The following SGCG variants were observed in gnomAD, a reference collection of about 807,000 sequenced individuals.
The protein encoded by SGCG is gamma-sarcoglycan.
SGCG carries 26 observed loss-of-function variants against 29.3 expected under a neutral mutation model. The observed-to-expected ratio is 0.89, with a 90% CI of 0.65 to 1.23. SGCG has a LOEUF of 1.23. Among genes scored for constraint, SGCG ranks in the 50% most tolerant of loss-of-function variants. The probability of loss-of-function intolerance (pLI) is 0.00; values close to 1 mark genes in which losing one functional copy is unlikely to be tolerated. For missense variants in SGCG, 353 were observed against 356.0 expected, an observed-to-expected ratio of 0.99 and a Z score of 0.07; for synonymous variants, 145 against 129.7, an observed-to-expected ratio of 1.12 and a Z score of -0.80.
intron 2 of SGCG, among the ~76,000 whole-genome samples, chr13:23,230,001 A>G: frequency 6.6e-6 from 1 of 152,112 alleles, no homozygotes; most frequent in East Asian, 1.9e-4. Context: ...TCTTCTGCAT[A>G]TGGCTAGCCA....
chr13:23,211,831 C>T (rs1423339107), intron 2 of SGCG, among the ~76,000 whole-genome samples: 4 of 152,144 alleles, frequency 2.6e-5, no homozygotes, highest in Non-Finnish European at 4.4e-5. Flanking sequence ...TCCACTCCAA[C>T]CCAGGCACAC....
chr13:23,191,824 A>G (rs1243104682), intron 1 of SGCG, among the ~76,000 whole-genome samples: 1 of 152,164 alleles, frequency 6.6e-6, no homozygotes, highest in African/African-American at 2.4e-5. Flanking sequence ...CTATTCAAAG[A>G]CAGTGCTTAC....
At chr13:23,236,339 T>G (rs1879310458) in intron 3 of SGCG, among the ~76,000 whole-genome samples, 1 of 152,196 alleles carries the variant, frequency 6.6e-6, no homozygotes, top group Non-Finnish European at 1.5e-5. Flanking sequence ...GTGACTGAAA[T>G]CAGGTGACTA....
At chr13:23,302,002 A>G (rs947248831) in intron 6 of SGCG, among the ~76,000 whole-genome samples, 2 of 152,166 alleles carry the variant, frequency 1.3e-5, no homozygotes, top group African/African-American at 4.8e-5. Context: ...AAATAACATA[A>G]ATCATTTTGA....
intron 4 of SGCG, among the ~76,000 whole-genome samples, 186 bp from the exon 5 acceptor site, chr13:23,279,173 T>C (rs1881205354): frequency 6.6e-6 from 1 of 152,218 alleles, no homozygotes; most frequent in Non-Finnish European, 1.5e-5. Context: ...TTAATTTTAA[T>C]AATACAATAG....
chr13:23,266,632 A>G lies in SGCG; in HGVS notation c.386-12727A>G, dbSNP rs181440362. On this transcript the variant is annotated intron_variant, in intron 4 of 7. Coordinates refer to ENST00000218867, the MANE Select transcript of SGCG (RefSeq NM_000231.3). ...ACACTACTTGGGTGATGAGTGCACT[A>G]AAATCCTAGACATCACAACTATACA... Among the ~76,000 whole-genome samples the G allele has an allele frequency of 3.5e-3, 533 of 152,320 alleles. 5 individuals are homozygous for G. The highest frequency in any genetic ancestry group is 0.014 in the South Asian group (66 of 4,816).
chr13:23,284,206 A>G (rs929318393), intron 5 of SGCG, among the ~76,000 whole-genome samples: 1 of 152,190 alleles, frequency 6.6e-6, no homozygotes, highest in African/African-American at 2.4e-5. Flanking sequence ...GTGTTTTCCA[A>G]CTTGGTTCCA....
chr13:23,201,458 G>A (rs983224617), intron 1 of SGCG, among the ~76,000 whole-genome samples: 2 of 152,024 alleles, frequency 1.3e-5, no homozygotes, highest in African/African-American at 4.8e-5. Flanking sequence ...GTGTTATCAC[G>A]GGGGTCCCTG....
chr13:23,259,813 T>C (rs1172224796), intron 4 of SGCG, among the ~76,000 whole-genome samples: 2 of 152,224 alleles, frequency 1.3e-5, no homozygotes, highest in African/African-American at 4.8e-5. Flanking sequence ...CCAGTAGTCA[T>C]TCAGGAGCAG....
chr13:23,310,307 C>T lies in SGCG; in HGVS notation c.579-10330C>T, dbSNP rs550936952. ...TTCACCCTATTAGCCAGGGTGGTCT[C>T]GATCTCCTGACCTCATGATCTGCCC... On this transcript the variant is annotated intron_variant, in intron 6 of 7. Transcript: ENST00000218867. Among the ~76,000 whole-genome samples the T allele has an allele frequency of 1.1e-4, 16 of 152,044 alleles. 1 individual carries two copies. In the East Asian group the frequency reaches 2.5e-3, roughly 24 times the overall value.
At position 23,218,351 on chromosome 13, in the gene SGCG, C is replaced by T. The variant is rs1878511126; in HGVS notation, c.195+14462C>T. On this transcript the variant is annotated intron_variant, in intron 2 of 7. Coordinates refer to ENST00000218867, the MANE Select transcript of SGCG (RefSeq NM_000231.3). ...AACTACAATAATTCAACCCTTATGG[C>T]ATATAAACACCAAATATACCACTGG... Among the ~76,000 whole-genome samples the T allele has an allele frequency of 1.3e-5, 2 of 152,038 alleles. 1 individual carries two copies. The highest frequency in any genetic ancestry group is 4.1e-4 in the South Asian group (2 of 4,828).
intron 4 of SGCG, among the ~76,000 whole-genome samples, chr13:23,273,946 T>C (rs1269147236): frequency 6.6e-6 from 1 of 152,216 alleles, no homozygotes; most frequent in African/African-American, 2.4e-5. Flanking sequence ...TGACCTGTCT[T>C]GTACTGAAAG....
chr13:23,231,532 A>G (rs551922250), intron 2 of SGCG, among the ~76,000 whole-genome samples: 1 of 152,238 alleles, frequency 6.6e-6, no homozygotes, highest in East Asian at 1.9e-4. Flanking sequence ...CCATATGTTT[A>G]CTTGAACCCA....
At chr13:23,245,716 G>C (rs945248366) in intron 3 of SGCG, 1 of 152,108 alleles carries the variant, frequency 6.6e-6, no homozygotes, top group African/African-American at 2.4e-5. Context: ...ATCCAAAAGC[G>C]ACTTAGCAAC....
the SGCG span, among the ~76,000 whole-genome samples, chr13:23,163,613 T>C: frequency 6.6e-6 from 1 of 152,172 alleles, no homozygotes; most frequent in Non-Finnish European, 1.5e-5. Context: ...GCTACATCAG[T>C]AATTAAATAA....
chr13:23,194,875 G>T (rs1018680568), intron 1 of SGCG, among the ~76,000 whole-genome samples: 1 of 152,086 alleles, frequency 6.6e-6, no homozygotes, highest in African/African-American at 2.4e-5. Context: ...AGTAGACATC[G>T]ACTGTAATAG....
the SGCG span, among the ~76,000 whole-genome samples, chr13:23,168,128 A>G: frequency 6.6e-6 from 1 of 152,070 alleles, no homozygotes; most frequent in Non-Finnish European, 1.5e-5. Flanking sequence ...CCCTTGTCAG[A>G]TGGGTAGTTT....
intron 6 of SGCG, among the ~76,000 whole-genome samples, chr13:23,315,358 T>C (rs1406279141): frequency 6.6e-6 from 1 of 152,104 alleles, no homozygotes; most frequent in African/African-American, 2.4e-5. Flanking sequence ...ATGGATGTGG[T>C]ATATATGCGA....
the SGCG span, chr13:23,169,724 A>G: frequency 6.7e-6 from 1 of 148,484 alleles, no homozygotes; most frequent in South Asian, 2.2e-4. Flanking sequence ...ACACACACAC[A>G]CACACACACA....
Sources: gnomAD v4.1 joint callset for allele counts (sites outside exome capture counted in the v4.1 genomes callset) on GRCh38, gnomAD v4.1.1 for gene constraint, MANE v1.5 for transcripts, NCBI Gene and HGNC (gene_info 2026-07-23, HGNC 2026-07-21) for gene names.